Variants in TAF11L11 observed in about 807,000 individuals in gnomAD.
TAF11L11 encodes the protein TATA-box binding protein associated factor 11 like 11.
rs975992270 is a variant in TAF11L11, at chr5:17,604,789, A to G, written c.9A>G (p.Thr3=). The change falls in exon 1 of 1, where the codon ACA becomes ACG. Residue 3 remains threonine (T), a synonymous_variant. Coordinates refer to ENST00000510838, the Ensembl canonical transcript of TAF11L11. The stretch of plus-strand genomic sequence containing the variant: ...AGACTGGAATCTCACCCATGGAGAC[A>G]GGCAGGCAAAGAGATGCCTCTGCTG... The G allele has an allele frequency of 1.3e-5, 5 of 385,758 alleles. No homozygotes were observed. In the South Asian group the frequency reaches 6.5e-4, roughly 50 times the overall value. 23.9% of individuals were successfully genotyped at this position (385,758 alleles called of 1,614,324 possible).
At chr5:17,604,973 A>T (rs111431903) in exon 1 of TAF11L11, 3 of 392,840 alleles carry the variant, frequency 7.6e-6, no homozygotes, top group Middle Eastern at 6.3e-4. Context: ...GTCAGCCTCA[A>T]CTCCTCCTTC....
At chr5:17,604,882 G>C (rs566915865) in exon 1 of TAF11L11, 1 of 391,128 alleles carries the variant, frequency 2.6e-6, no homozygotes, top group African/African-American at 2.1e-5. Flanking sequence ...ACCTAGATGG[G>C]AACTTGGAAG....
At chr5:17,604,792 C>T in exon 1 of TAF11L11, 1 of 386,174 alleles carries the variant, frequency 2.6e-6, no homozygotes, top group Non-Finnish European at 4.6e-6. Context: ...TGGAGACAGG[C>T]AGGCAAAGAG....
rs140465816 is a variant in TAF11L11, at chr5:17,604,937, G to T, written c.157G>T (p.Asp53Tyr). Residue 53 changes from aspartate to tyrosine, a missense_variant, in exon 1 of 1, where the codon GAC (aspartate) becomes TAC (tyrosine). By Grantham distance (160) the Asp-to-Tyr change is radical. Transcript: ENST00000510838. ...TGAGCTCAGGAGTCAGGATGTCATG[G>T]ACCTCACAGAAGGTGACAATGAAGC... 3.5e-3 allele frequency: 1,388 copies of T among 392,312 alleles called. 60 individuals are homozygous for T. Among genetic ancestry groups the T allele is most frequent in the African/African-American group, 0.026 (1,259 of 48,220 alleles). 24.3% of individuals were successfully genotyped at this position (392,312 alleles called of 1,614,324 possible).
exon 1 of TAF11L11, chr5:17,604,708 C>T (rs1739129681): frequency 5.4e-6 from 2 of 368,750 alleles, no homozygotes; most frequent in Non-Finnish European, 9.7e-6. Context: ...CATTGCAGAT[C>T]CATAATCGAA....
chr5:17,605,121 G>A (rs1444260994), exon 1 of TAF11L11: 3 of 395,074 alleles, frequency 7.6e-6, no homozygotes, highest in Non-Finnish European at 1.3e-5. Context: ...GTGTGTCGCC[G>A]GTCAGCTTTC....
At chr5:17,604,205 C>T (rs1215295731) in exon 1 of TAF11L11, 1 of 151,554 alleles carries the variant, frequency 6.6e-6, no homozygotes, top group Admixed American at 6.6e-5. Context: ...GGAGATTCCC[C>T]CAGCACTGGC....
chr5:17,604,295 GAACA>G (rs1739117242), exon 1 of TAF11L11: 1 of 151,812 alleles, frequency 6.6e-6, no homozygotes, highest in Non-Finnish European at 1.5e-5. Context: ...GCAGCAGGCA[GAACA>G]AACAAGTGGG....
the TAF11L11 span, chr5:17,605,249 GC>G: frequency 2.5e-6 from 1 of 395,356 alleles, no homozygotes; most frequent in South Asian, 1.3e-4. Context: ...GGTGGAAGAG[GC>G]CCTGGACGTG....
At chr5:17,605,165 A>G (rs1422790100) in exon 1 of TAF11L11, 3 of 395,520 alleles carry the variant, frequency 7.6e-6, no homozygotes, top group Non-Finnish European at 1.3e-5. Flanking sequence ...GATGCAGTCC[A>G]TCACTGGCAG....
chr5:17,604,777 A>G (rs961768639), exon 1 of TAF11L11: 2 of 384,220 alleles, frequency 5.2e-6, no homozygotes, highest in South Asian at 1.3e-4. Flanking sequence ...CTGGAATCTC[A>G]CCCATGGAGA....
At chr5:17,604,683 T>A (rs1264545870) in exon 1 of TAF11L11, 3 of 360,504 alleles carry the variant, frequency 8.3e-6, no homozygotes, top group African/African-American at 2.1e-5. Flanking sequence ...GAAGCTAAAC[T>A]CTTTGAGAGG....
In TAF11L11 at chr5:17,604,820, T is replaced by A; in HGVS notation, c.40T>A (p.Phe14Ile). Reference sequence around the variant, plus strand: ...GCAAAGAGATGCCTCTGCTGAGATGTTCCCCATGCCCCGAGGTCTGAAGTA... The same window carrying A: ...GCAAAGAGATGCCTCTGCTGAGATGATCCCCATGCCCCGAGGTCTGAAGTA... Residue 14 changes from phenylalanine to isoleucine, a missense_variant, in exon 1 of 1, where the codon TTC (phenylalanine) becomes ATC (isoleucine). By Grantham distance (21) the Phe-to-Ile change is conservative (BLOSUM62 0). Transcript: ENST00000510838. 7.7e-6 allele frequency: 3 copies of A among 388,188 alleles called. 1 individual carries two copies. Among genetic ancestry groups the A allele is most frequent in the African/African-American group, 6.2e-5 (3 of 48,116 alleles). The allele number at this position is 388,188 out of a possible 1,614,324, so 24.0% of individuals were successfully genotyped here.
chr5:17,604,584 T>A (rs1364239598), exon 1 of TAF11L11: 2 of 295,556 alleles, frequency 6.8e-6, no homozygotes, highest in Admixed American at 5.1e-5. Flanking sequence ...ATTGTGGAAG[T>A]GAGAACATTC....
chr5:17,604,716 G>T, exon 1 of TAF11L11: 1 of 370,730 alleles, frequency 2.7e-6, no homozygotes, highest in South Asian at 1.3e-4. Context: ...ATCCATAATC[G>T]AACCACCCCA....
downstream of TAF11L11, among the ~76,000 whole-genome samples, chr5:17,605,789 A>C (rs576207820): frequency 3.3e-5 from 5 of 151,596 alleles, no homozygotes; most frequent in East Asian, 9.7e-4. Flanking sequence ...AAGCTTCCAG[A>C]AATGTTTCCC....
At chr5:17,604,906 G>A in exon 1 of TAF11L11, 1 of 391,756 alleles carries the variant, frequency 2.6e-6, no homozygotes, top group African/African-American at 2.1e-5. Flanking sequence ...CCAGGGATCA[G>A]GAAAGTGAGC....
chr5:17,605,429 A>G (rs1579616208), downstream of TAF11L11: 1 of 391,784 alleles, frequency 2.6e-6, no homozygotes, highest in East Asian at 3.6e-5. Flanking sequence ...TATCGCATTC[A>G]TCTTCCAATG....
exon 1 of TAF11L11, chr5:17,604,850 A>C: frequency 2.6e-6 from 1 of 390,130 alleles, no homozygotes; most frequent in Non-Finnish European, 4.5e-6. Flanking sequence ...GAAGTACAGC[A>C]ACAAGGATGG....
Sources: gnomAD v4.1 joint callset for allele counts (sites outside exome capture counted in the v4.1 genomes callset) on GRCh38, gnomAD v4.1.1 for gene constraint, MANE v1.5 for transcripts, NCBI Gene and HGNC (gene_info 2026-07-23, HGNC 2026-07-21) for gene names.